The following WWOX variants were observed in gnomAD, a reference collection of about 807,000 sequenced individuals.
The protein encoded by WWOX is WW domain-containing oxidoreductase.
Under a neutral mutation model 46.2 loss-of-function variants are expected in WWOX, and 69 were observed. The observed-to-expected ratio is 1.49, with a 90% CI of 1.23 to 1.82. The LOEUF is 1.82. WWOX is among the 40% of genes most tolerant of loss of function. The probability of loss-of-function intolerance (pLI) is 0.00; values close to 1 mark genes in which losing one functional copy is unlikely to be tolerated. For missense variants in WWOX, 919 were observed against 542.6 expected (o/e 1.69, Z -6.89); for synonymous variants, 359 against 202.6 (o/e 1.77, Z -6.56).
chr16:78,767,956 G>T (rs1374851285), intron 8 of WWOX, among the ~76,000 whole-genome samples: 1 of 152,084 alleles, frequency 6.6e-6, no homozygotes, highest in African/African-American at 2.4e-5. Flanking sequence ...AGTTTGGACT[G>T]TGCTAATGTC....
At chr16:78,382,826 C>G (rs72796075) in intron 5 of WWOX, among the ~76,000 whole-genome samples, 7,177 of 151,900 alleles carry the variant, frequency 0.047, 274 homozygotes, top group South Asian at 0.17. Flanking sequence ...AGAAAATAAA[C>G]GCATCTCAAG....
chr16:79,151,840 G>A (rs1476233970), intron 8 of WWOX, among the ~76,000 whole-genome samples: 2 of 152,168 alleles, frequency 1.3e-5, no homozygotes, highest in Admixed American at 6.5e-5. Flanking sequence ...AAGTTTTGAC[G>A]CTAATGTGAT....
chr16:78,278,655 A>G, intron 5 of WWOX: 1 of 1,609,972 alleles, frequency 6.2e-7, no homozygotes, highest in Non-Finnish European at 8.5e-7. Flanking sequence ...ATTTTCCACT[A>G]GCAAAAGAAG....
At chr16:78,306,120 C>G (rs200600037) in intron 5 of WWOX, among the ~76,000 whole-genome samples, 1 of 151,948 alleles carries the variant, frequency 6.6e-6, no homozygotes, top group East Asian at 1.9e-4. Flanking sequence ...AAAGGATTTG[C>G]CTTCTAGTAA....
chr16:79,139,295 C>T (rs2050042673), intron 8 of WWOX, among the ~76,000 whole-genome samples: 1 of 152,218 alleles, frequency 6.6e-6, no homozygotes, highest in African/African-American at 2.4e-5. Context: ...GAGAGATTTA[C>T]AGTCAAATTC....
At chr16:78,404,952 G>T (rs957355839) in intron 6 of WWOX, among the ~76,000 whole-genome samples, 1 of 152,088 alleles carries the variant, frequency 6.6e-6, no homozygotes, top group East Asian at 1.9e-4. Context: ...GTGCCATTGG[G>T]GCACAATTAT....
chr16:79,178,862 G>T (rs961616958), intron 8 of WWOX, among the ~76,000 whole-genome samples: 13 of 152,060 alleles, frequency 8.5e-5, no homozygotes, highest in African/African-American at 3.1e-4. Flanking sequence ...ATATCTTGAA[G>T]TACTTCACTT....
chr16:78,738,561 G>A (rs575111500), intron 8 of WWOX, among the ~76,000 whole-genome samples: 5 of 152,156 alleles, frequency 3.3e-5, no homozygotes, highest in African/African-American at 1.2e-4. Context: ...TTTATTAGAA[G>A]AGTGCAAGTT....
chr16:78,611,390 G>C (rs1218137596), intron 8 of WWOX, among the ~76,000 whole-genome samples: 1 of 152,138 alleles, frequency 6.6e-6, no homozygotes, highest in African/African-American at 2.4e-5. Flanking sequence ...GAGATTACTT[G>C]GTTTGAAATG....
At chr16:78,789,303 C>G (rs1314324467) in intron 8 of WWOX, among the ~76,000 whole-genome samples, 1 of 152,082 alleles carries the variant, frequency 6.6e-6, no homozygotes, top group Admixed American at 6.5e-5. Flanking sequence ...GACTTTTGAT[C>G]CATTTTACGT....
At chr16:78,762,556 C>G (rs887612660) in intron 8 of WWOX, among the ~76,000 whole-genome samples, 1 of 152,240 alleles carries the variant, frequency 6.6e-6, no homozygotes, top group Non-Finnish European at 1.5e-5. Context: ...GGGCAGCACA[C>G]TGCTGCCATG....
intron 4 of WWOX, among the ~76,000 whole-genome samples, chr16:78,155,009 C>A (rs1289152806): frequency 1.3e-5 from 2 of 152,186 alleles, no homozygotes; most frequent in Non-Finnish European, 2.9e-5. Context: ...CCAAACCCCA[C>A]CTCTAGCTGA....
At chr16:78,361,636 A>G (rs767098688) in intron 5 of WWOX, among the ~76,000 whole-genome samples, 2 of 151,942 alleles carry the variant, frequency 1.3e-5, no homozygotes, top group Admixed American at 1.3e-4. Context: ...GTTGAGACAA[A>G]GTTTCACTCC....
intron 8 of WWOX, among the ~76,000 whole-genome samples, chr16:78,788,760 C>T (rs568349213): frequency 5.3e-5 from 8 of 152,176 alleles, no homozygotes; most frequent in Admixed American, 6.5e-5. Context: ...CCACCTGAAG[C>T]CCCTCAGCCA....
intron 8 of WWOX, chr16:78,551,757 C>T (rs1040792231): frequency 3.3e-5 from 5 of 152,058 alleles, no homozygotes; most frequent in African/African-American, 1.2e-4. Context: ...TTGTCTTCCT[C>T]CATCAGCTTT....
chr16:78,421,846 C>T (rs903622450), intron 6 of WWOX, among the ~76,000 whole-genome samples: 2 of 152,102 alleles, frequency 1.3e-5, no homozygotes, highest in Non-Finnish European at 2.9e-5. Flanking sequence ...TTTGCTGCCC[C>T]TGCTACATAC....
chr16:78,893,876 A>T (rs2044643657), intron 8 of WWOX, among the ~76,000 whole-genome samples: 1 of 152,166 alleles, frequency 6.6e-6, no homozygotes, highest in South Asian at 2.1e-4. Flanking sequence ...GCTAGAACAC[A>T]AGATTTTCTA....
chr16:78,952,389 T>G (rs1279085469), intron 8 of WWOX, among the ~76,000 whole-genome samples: 1 of 151,598 alleles, frequency 6.6e-6, no homozygotes, highest in Non-Finnish European at 1.5e-5. Context: ...TTTGAGTTTT[T>G]TTTTTTTTTT....
intron 8 of WWOX, among the ~76,000 whole-genome samples, chr16:78,766,044 A>G (rs1258719794): frequency 6.6e-6 from 1 of 152,242 alleles, no homozygotes; most frequent in Non-Finnish European, 1.5e-5. Context: ...GAGCCCAGGC[A>G]CACAGATGAC....
Sources: gnomAD v4.1 joint callset for allele counts (sites outside exome capture counted in the v4.1 genomes callset) on GRCh38, gnomAD v4.1.1 for gene constraint, MANE v1.5 for transcripts, NCBI Gene and HGNC (gene_info 2026-07-23, HGNC 2026-07-21) for gene names.